Variants in BTRC observed in about 807,000 individuals in gnomAD.
BTRC encodes beta-transducin repeat containing E3 ubiquitin protein ligase.
BTRC carries 42 observed loss-of-function variants against 85.5 expected under a neutral mutation model. The ratio of observed to expected loss-of-function variants is 0.49; its 90% confidence interval spans 0.38 to 0.64. The LOEUF (loss-of-function observed/expected upper bound fraction) is 0.64, where lower values mean the gene tolerates loss of function less well. Among genes scored for constraint, BTRC ranks in the 30% least tolerant of loss-of-function variants. BTRC has a pLI of 0.00. For missense variants in BTRC, 594 were observed against 743.5 expected (o/e 0.80, Z 2.34); for synonymous variants, 255 against 263.3 (o/e 0.97, Z 0.30).
chr10:101,475,974 A>C (rs1945676416), intron 3 of BTRC, among the ~76,000 whole-genome samples: 2 of 118,272 alleles, frequency 1.7e-5, no homozygotes, highest in South Asian at 5.4e-4. Context: ...CCTAAGGGGA[A>C]AATAATGTTT....
chr10:101,487,455 AC>A (rs1946018473), intron 4 of BTRC, among the ~76,000 whole-genome samples: 1 of 152,192 alleles, frequency 6.6e-6, no homozygotes, highest in Non-Finnish European at 1.5e-5. Flanking sequence ...ACATCAATAA[AC>A]TGCAGTGCCT....
chr10:101,366,820 TAA>T lies in BTRC; in HGVS notation c.48+12593_48+12594del, dbSNP rs1491394180. Among the ~76,000 whole-genome samples, 46 of 52,726 alleles carry T rather than the reference TAA, an allele frequency of 8.7e-4. 2 individuals are homozygous for T. The East Asian group carries it at 9.1e-3, about 10-fold the overall frequency. The allele number at this position is 52,726 out of a possible 152,430, so 34.6% of individuals were successfully genotyped here. On this transcript the variant is annotated intron_variant, in intron 1 of 14. Coordinates refer to ENST00000370187, the MANE Select transcript of BTRC (RefSeq NM_033637.4). ...CATTTATATATATATTTATATATAT[TAA>T]TATATATTTATATATATTTATGTAT...
intron 2 of BTRC, among the ~76,000 whole-genome samples, chr10:101,444,085 A>G (rs1383345661): frequency 1.3e-5 from 2 of 152,120 alleles, no homozygotes; most frequent in East Asian, 3.8e-4. Flanking sequence ...AGCAGTCCTA[A>G]GGAAATGGTA....
chr10:101,456,930 A>G (rs943559299), intron 2 of BTRC, among the ~76,000 whole-genome samples: 5 of 152,234 alleles, frequency 3.3e-5, no homozygotes, highest in African/African-American at 1.2e-4. Flanking sequence ...TTTTACAAAA[A>G]TATTTTAATA....
chr10:101,541,328 C>T (rs1204048871), intron 13 of BTRC, among the ~76,000 whole-genome samples: 1 of 151,782 alleles, frequency 6.6e-6, no homozygotes, highest in Non-Finnish European at 1.5e-5. Context: ...GGCGCGATCT[C>T]AGCGCACTGC....
intron 3 of BTRC, among the ~76,000 whole-genome samples, chr10:101,476,833 T>G (rs973496617): frequency 6.6e-5 from 10 of 152,244 alleles, no homozygotes; most frequent in African/African-American, 1.9e-4. Flanking sequence ...TTTGAGTGTC[T>G]TAAGATTTTT....
intron 1 of BTRC, among the ~76,000 whole-genome samples, chr10:101,362,440 G>C (rs889773128): frequency 6.6e-6 from 1 of 151,360 alleles, no homozygotes; most frequent in African/African-American, 2.4e-5. Flanking sequence ...TTGTTGCCCA[G>C]GTTGGGGTGC....
chr10:101,502,840 A>G (rs1055475263), intron 4 of BTRC, among the ~76,000 whole-genome samples: 1 of 152,192 alleles, frequency 6.6e-6, no homozygotes, highest in African/African-American at 2.4e-5. Context: ...TGGACATAAT[A>G]TTATTGTAAA....
chr10:101,379,105 T>C (rs1942865239), intron 1 of BTRC, among the ~76,000 whole-genome samples: 1 of 152,256 alleles, frequency 6.6e-6, no homozygotes, highest in African/African-American at 2.4e-5. Flanking sequence ...AGAAGAATCC[T>C]GCTTTATCAA....
chr10:101,366,934 ATAT>A lies in BTRC; in HGVS notation c.48+12708_48+12710del, dbSNP rs1564730405. 8.1e-3 allele frequency among the ~76,000 whole-genome samples: 225 copies of A among 27,838 alleles called. 19 individuals are homozygous for A. In the East Asian group the frequency reaches 0.15, roughly 19 times the overall value. 18.3% of individuals were successfully genotyped at this position (27,838 alleles called of 152,430 possible). A position where few individuals can be genotyped will look rare whatever the true frequency, so the allele number is the denominator to read the frequency against. The stretch of plus-strand genomic sequence containing the variant: ...AATATATATTTATATATATTTATAT[ATAT>A]TTATATATATTTATATATATATTTA... On this transcript the variant is annotated intron_variant, in intron 1 of 14. Transcript: ENST00000370187.
At chr10:101,433,892 C>T (rs948707819) in intron 2 of BTRC, among the ~76,000 whole-genome samples, 1 of 151,826 alleles carries the variant, frequency 6.6e-6, no homozygotes, top group Non-Finnish European at 1.5e-5. Context: ...ATTGAGGACC[C>T]CAAAGTGCTT....
chr10:101,510,854 C>G (rs1384771976), intron 4 of BTRC, among the ~76,000 whole-genome samples: 1 of 152,156 alleles, frequency 6.6e-6, no homozygotes, highest in Non-Finnish European at 1.5e-5. Flanking sequence ...GTTAAAATAC[C>G]TTTCTTTTAA....
intron 4 of BTRC, among the ~76,000 whole-genome samples, chr10:101,504,485 T>C (rs1589561963): frequency 6.6e-6 from 1 of 151,982 alleles, no homozygotes; most frequent in Non-Finnish European, 1.5e-5. Context: ...CATCCCTATC[T>C]TTCCCCTAGA....
intron 13 of BTRC, among the ~76,000 whole-genome samples, chr10:101,546,991 G>A (rs915101790): frequency 2.0e-5 from 3 of 152,142 alleles, no homozygotes; most frequent in African/African-American, 7.2e-5. Flanking sequence ...AAAACAGAAT[G>A]AATAACTTAC....
intron 3 of BTRC, among the ~76,000 whole-genome samples, chr10:101,467,344 TTCTC>T (rs1277950270): frequency 4.1e-4 from 55 of 134,674 alleles, no homozygotes; most frequent in African/African-American, 1.0e-3. Flanking sequence ...TTTTTTTTTT[TTCTC>T]TCTATTTGTT....
intron 1 of BTRC, among the ~76,000 whole-genome samples, chr10:101,372,003 T>C (rs1942649120): frequency 1.3e-5 from 2 of 152,150 alleles, no homozygotes; most frequent in Admixed American, 6.5e-5. Context: ...TCAGCACTAT[T>C]TATTGAAAAG....
intron 4 of BTRC, among the ~76,000 whole-genome samples, chr10:101,490,235 CCCTCACTCCCTG>C (rs1282600354): frequency 3.3e-5 from 5 of 151,906 alleles, no homozygotes; most frequent in Non-Finnish European, 5.9e-5. Flanking sequence ...CTCCTTCCCT[CCCTCACTCCCTG>C]CCTCCCTCCC....
chr10:101,470,789 G>A (rs934128634), intron 3 of BTRC, among the ~76,000 whole-genome samples: 1 of 152,162 alleles, frequency 6.6e-6, no homozygotes, highest in African/African-American at 2.4e-5. Context: ...ATTCTTATAC[G>A]TGCCATGAAG....
At position 101,368,464 on chromosome 10, in the gene BTRC, CTTTTTTTT is replaced by C. The variant is rs60190021; in HGVS notation, c.48+14261_48+14268del. Among the ~76,000 whole-genome samples the C allele has an allele frequency of 2.4e-4, 18 of 75,344 alleles. No individual in the cohort carries two copies. The South Asian group carries it at 8.4e-3, about 35-fold the overall frequency. The allele number at this position is 75,344 out of a possible 152,430, so 49.4% of individuals were successfully genotyped here. ...TAGTAGAACCTATGCAACTGTTTTT[CTTTTTTTT>C]TTTTTTTTTTTTTTTTTTTTTTTTA... On this transcript the variant is annotated intron_variant, in intron 1 of 14. Coordinates refer to ENST00000370187, the MANE Select transcript of BTRC (RefSeq NM_033637.4).
Sources: allele counts gnomAD v4.1 joint callset (sites outside exome capture counted in the v4.1 genomes callset), GRCh38; gene constraint gnomAD v4.1.1; transcripts MANE v1.5; gene names NCBI Gene and HGNC (gene_info 2026-07-23, HGNC 2026-07-21).